The following C1GALT1 variants were observed in gnomAD, a reference collection of about 807,000 sequenced individuals.
C1GALT1 encodes core 1 synthase, glycoprotein-N-acetylgalactosamine 3-beta-galactosyltransferase 1.
C1GALT1 carries 11 observed loss-of-function variants against 31.0 expected under a neutral mutation model. The ratio of observed to expected loss-of-function variants is 0.36; its 90% CI spans 0.22 to 0.59. The LOEUF (loss-of-function observed/expected upper bound fraction) is 0.59. C1GALT1 is among the 20% of genes least tolerant of loss of function. The probability of loss-of-function intolerance (pLI) is 0.79; values close to 1 mark genes in which losing one functional copy is unlikely to be tolerated. For missense variants in C1GALT1, 424 were observed against 425.2 expected (o/e 1.00, Z 0.03); for synonymous variants, 175 against 143.6 (o/e 1.22, Z -1.56).
At chr7:7,212,835 A>G (rs1290732230) in intron 1 of C1GALT1, among the ~76,000 whole-genome samples, 3 of 152,190 alleles carry the variant, frequency 2.0e-5, no homozygotes, top group African/African-American at 7.2e-5. Flanking sequence ...ATTCACAAGG[A>G]CAGGGAATAT....
chr7:7,193,548 G>T (rs192379001), intron 1 of C1GALT1, among the ~76,000 whole-genome samples: 5 of 152,210 alleles, frequency 3.3e-5, no homozygotes, highest in African/African-American at 7.2e-5. Flanking sequence ...ATGCTGTTTC[G>T]GTAACTATAG....
At chr7:7,185,342 C>T (rs972184035) in intron 1 of C1GALT1, among the ~76,000 whole-genome samples, 1 of 152,174 alleles carries the variant, frequency 6.6e-6, no homozygotes, top group Non-Finnish European at 1.5e-5. Context: ...TTAAATACAG[C>T]TTGGCATAGT....
intron 1 of C1GALT1, among the ~76,000 whole-genome samples, chr7:7,209,194 C>G (rs1237546786): frequency 6.6e-6 from 1 of 152,150 alleles, no homozygotes; most frequent in East Asian, 1.9e-4. Context: ...TTCTTTGTTA[C>G]TTATAGCTTT....
intron 2 of C1GALT1, among the ~76,000 whole-genome samples, chr7:7,236,615 G>C (rs1235952996): frequency 6.6e-6 from 1 of 151,736 alleles, no homozygotes; most frequent in South Asian, 2.1e-4. Flanking sequence ...TCCGCCTCCC[G>C]GGTTCAAGCA....
chr7:7,164,138 A>G (rs1780367999), intron 2 of C1GALT1, among the ~76,000 whole-genome samples: 1 of 152,166 alleles, frequency 6.6e-6, no homozygotes, highest in Admixed American at 6.5e-5. Flanking sequence ...AATGGAACAG[A>G]ACAGAGCCCT....
chr7:7,214,831 C>A (rs191516937), intron 1 of C1GALT1, among the ~76,000 whole-genome samples: 5 of 152,348 alleles, frequency 3.3e-5, no homozygotes, highest in African/African-American at 1.2e-4. Context: ...GATATACTTT[C>A]CACTTGCCTG....
chr7:7,232,645 A>G (rs767129726), intron 1 of C1GALT1, among the ~76,000 whole-genome samples: 49 of 152,224 alleles, frequency 3.2e-4, no homozygotes, highest in Non-Finnish European at 6.3e-4. Flanking sequence ...ACGTACCACA[A>G]CGCCTGGCTA....
intron 1 of C1GALT1, among the ~76,000 whole-genome samples, chr7:7,213,404 C>A (rs570681589): frequency 2.6e-5 from 4 of 152,258 alleles, no homozygotes; most frequent in Non-Finnish European, 4.4e-5. Flanking sequence ...AAATCCCATA[C>A]AATTTTGGAA....
chr7:7,198,463 A>G (rs894069608), intron 1 of C1GALT1, among the ~76,000 whole-genome samples: 4 of 152,202 alleles, frequency 2.6e-5, no homozygotes, highest in Admixed American at 2.6e-4. Flanking sequence ...TTTCACATCC[A>G]TATTCATCAG....
chr7:7,210,728 C>T (rs762424913), intron 1 of C1GALT1, among the ~76,000 whole-genome samples: 5 of 152,102 alleles, frequency 3.3e-5, no homozygotes, highest in African/African-American at 4.8e-5. Context: ...TGATGTTCTA[C>T]GCTCGTCGGG....
At chr7:7,199,425 T>G (rs1168957156) in intron 1 of C1GALT1, among the ~76,000 whole-genome samples, 1 of 152,208 alleles carries the variant, frequency 6.6e-6, no homozygotes, top group Non-Finnish European at 1.5e-5. Flanking sequence ...ATTTCTGTTC[T>G]TTTACATTTG....
At chr7:7,162,370 G>GT (rs1018515879) in intron 2 of C1GALT1, among the ~76,000 whole-genome samples, 4 of 147,258 alleles carry the variant, frequency 2.7e-5, no homozygotes, top group African/African-American at 7.5e-5. Flanking sequence ...GTGGTGTTTG[G>GT]TTTTTTGTCC....
At chr7:7,159,758 T>C (rs1268134930) in intron 2 of C1GALT1, among the ~76,000 whole-genome samples, 3 of 152,178 alleles carry the variant, frequency 2.0e-5, no homozygotes, top group African/African-American at 7.2e-5. Context: ...TCTGTCTCCA[T>C]GTAAGCTATA....
At chr7:7,210,843 C>T (rs1354999730) in intron 1 of C1GALT1, among the ~76,000 whole-genome samples, 1 of 152,196 alleles carries the variant, frequency 6.6e-6, no homozygotes, top group Non-Finnish European at 1.5e-5. Context: ...GGTTGCTGGC[C>T]TGGCTTTAAC....
chr7:7,218,235 A>G (rs917835147), intron 1 of C1GALT1, among the ~76,000 whole-genome samples: 2 of 152,224 alleles, frequency 1.3e-5, no homozygotes, highest in Admixed American at 6.5e-5. Context: ...ATAAAAGGCC[A>G]TGGAAGTCTT....
At chr7:7,182,390 C>G (rs950856856), upstream of C1GALT1, among the ~76,000 whole-genome samples, 2 of 152,232 alleles carry the variant, frequency 1.3e-5, no homozygotes, top group African/African-American at 2.4e-5. Context: ...ATCTACTGCT[C>G]GTGCAAGATC....
intron 1 of C1GALT1, among the ~76,000 whole-genome samples, chr7:7,192,958 G>T (rs938083507): frequency 6.6e-6 from 1 of 151,896 alleles, no homozygotes; most frequent in Non-Finnish European, 1.5e-5. Context: ...ATCTTCTTTT[G>T]GGAATTGTCT....
chr7:7,166,461 T>C (rs1300257731), intron 2 of C1GALT1, among the ~76,000 whole-genome samples: 1 of 152,054 alleles, frequency 6.6e-6, no homozygotes, highest in East Asian at 1.9e-4. Context: ...AACTAATCTC[T>C]ATTGACAGAA....
At chr7:7,202,528 G>A (rs368584134) in intron 1 of C1GALT1, among the ~76,000 whole-genome samples, 1 of 151,920 alleles carries the variant, frequency 6.6e-6, no homozygotes, top group East Asian at 1.9e-4. Flanking sequence ...AAAATCCTTT[G>A]ACCATAAAGT....
Sources: gnomAD v4.1 joint callset for allele counts (sites outside exome capture counted in the v4.1 genomes callset) on GRCh38, gnomAD v4.1.1 for gene constraint, MANE v1.5 for transcripts, NCBI Gene and HGNC (gene_info 2026-07-23, HGNC 2026-07-21) for gene names.